The following ABCC9 variants were observed in gnomAD, a reference collection of about 807,000 sequenced individuals.
ABCC9 encodes ATP binding cassette subfamily C member 9.
ABCC9 carries 95 observed loss-of-function variants against 188.3 expected under a neutral mutation model. That is an observed-to-expected ratio of 0.50 (90% CI 0.43 to 0.60). The LOEUF (loss-of-function observed/expected upper bound fraction) is 0.60, where lower values mean the gene tolerates loss of function less well. ABCC9 is among the 20% of genes least tolerant of loss of function. The pLI, the probability that ABCC9 is intolerant of heterozygous loss-of-function variation, is 0.00. For synonymous variants in ABCC9, 659 were observed against 652.7 expected, an observed-to-expected ratio of 1.01 and a Z score of -0.15; for missense variants, 1,102 against 1,876.3, an observed-to-expected ratio of 0.59 and a Z score of 7.62.
chr12:21,915,557 G>T (rs1469525379), intron 7 of ABCC9, 111 bp downstream of exon 7: 3 of 660,120 alleles, frequency 4.5e-6, no homozygotes, highest in African/African-American at 5.0e-5. Context: ...CTGTCACCCC[G>T]GCTGGAGTGC....
At chr12:21,830,050 T>TCC (rs1458226916) in intron 30 of ABCC9, among the ~76,000 whole-genome samples, 4 of 152,182 alleles carry the variant, frequency 2.6e-5, no homozygotes, top group South Asian at 4.1e-4. Context: ...CTGTGTACTT[T>TCC]CAGGGTTCTA....
chr12:21,932,373 C>G (rs1216561928), intron 4 of ABCC9, among the ~76,000 whole-genome samples: 1 of 151,966 alleles, frequency 6.6e-6, no homozygotes, highest in African/African-American at 2.4e-5. Context: ...GATTCCATGA[C>G]AAAGATGCCA....
chr12:21,802,695 T>C (rs1329579652), intron 39 of ABCC9, among the ~76,000 whole-genome samples: 2 of 152,126 alleles, frequency 1.3e-5, no homozygotes, highest in Non-Finnish European at 2.9e-5. Context: ...GGTCAAAATA[T>C]TAGTGTGCTG....
Position 21,800,795 on chromosome 12 carries a change from A to G in ABCC9, c.*249T>C, listed in dbSNP as rs2137078584. On this transcript the variant is annotated 3_prime_UTR_variant, in exon 40 of 40. Transcript: ENST00000261200. ...TGATTTATCACTTAAAGTAGCTTAC[A>G]TGTTTTAATACAACCTAGCTATTCT... 1 of 490,430 alleles carries G rather than the reference A, an allele frequency of 2.0e-6. No individual in the cohort carries two copies. Among genetic ancestry groups the G allele is most frequent in the East Asian group, 3.8e-5 (1 of 26,424 alleles). The allele number at this position is 490,430 out of a possible 1,614,324, so 30.4% of individuals were successfully genotyped here. A position where few individuals can be genotyped will look rare whatever the true frequency, so the allele number is the denominator to read the frequency against.
At chr12:21,850,797 T>C (rs1944925192) in intron 24 of ABCC9, among the ~76,000 whole-genome samples, 1 of 152,134 alleles carries the variant, frequency 6.6e-6, no homozygotes, top group Admixed American at 6.6e-5. Context: ...CCGGTACGTT[T>C]AGAATCAAGC....
At position 21,910,321 on chromosome 12, in the gene ABCC9, A is replaced by G. The variant is rs1304592088; in HGVS notation, c.1165-9T>C. 5 of 1,562,384 alleles carry G rather than the reference A, an allele frequency of 3.2e-6. No individual in the cohort carries two copies. The highest frequency in any genetic ancestry group is 1.4e-5 in the African/African-American group (1 of 72,960). Reference sequence around the variant, plus strand: ...TTATTATAAATCATGGCCTACCAAAAAAAAAAAAAAGAGTACATAAAGCTC... The same window carrying G: ...TTATTATAAATCATGGCCTACCAAAGAAAAAAAAAAGAGTACATAAAGCTC... On this transcript the variant is annotated splice_polypyrimidine_tract_variant and intron_variant, in intron 9 of 39. Transcript: ENST00000261200.
rs1039191185 is a variant in ABCC9, at chr12:21,910,528, A to G, written c.1165-216T>C. On this transcript the variant is annotated intron_variant, in intron 9 of 39. Transcript: ENST00000261200. ...ACCAAATACAGACTTCCTTTTTTCT[A>G]GTGATATAATAAAAACATGCATTAA... 2.6e-5 allele frequency among the ~76,000 whole-genome samples: 4 copies of G among 151,978 alleles called. No homozygotes were observed. In the East Asian group the frequency reaches 7.7e-4, roughly 29 times the overall value.
intron 10 of ABCC9, among the ~76,000 whole-genome samples, chr12:21,909,892 G>T (rs1355795892): frequency 1.3e-5 from 2 of 151,864 alleles, no homozygotes; most frequent in Admixed American, 1.3e-4. Flanking sequence ...CTCATTTACA[G>T]TTAAGAAAAC....
chr12:21,844,184 T>C (rs1166076398), intron 28 of ABCC9, among the ~76,000 whole-genome samples: 1 of 152,230 alleles, frequency 6.6e-6, no homozygotes, highest in African/African-American at 2.4e-5. Context: ...TGAATGCTGA[T>C]ATGACTTTAA....
chr12:21,900,730 T>C (rs1947702623), intron 12 of ABCC9, among the ~76,000 whole-genome samples: 1 of 151,966 alleles, frequency 6.6e-6, no homozygotes. Context: ...ATCAAATGAA[T>C]GAAATGAAGT....
chr12:21,867,029 A>G (rs905156506), intron 18 of ABCC9, among the ~76,000 whole-genome samples: 1 of 152,154 alleles, frequency 6.6e-6, no homozygotes, highest in African/African-American at 2.4e-5. Context: ...CACATAGGGG[A>G]TCTTCACTTC....
intron 6 of ABCC9, 147 bp from the exon 7 acceptor site, chr12:21,916,057 C>A (rs1948591479): frequency 4.9e-6 from 4 of 809,404 alleles, no homozygotes; most frequent in Non-Finnish European, 7.6e-6. Flanking sequence ...CTGAAATATT[C>A]TTTGAGATAT....
chr12:21,879,984 C>G (rs1348242712), intron 16 of ABCC9, among the ~76,000 whole-genome samples: 1 of 151,572 alleles, frequency 6.6e-6, no homozygotes, highest in Non-Finnish European at 1.5e-5. Context: ...TCAGTTGATT[C>G]ACACACATAT....
intron 4 of ABCC9, among the ~76,000 whole-genome samples, chr12:21,927,452 T>A (rs1272567661): frequency 2.0e-5 from 3 of 152,178 alleles, no homozygotes; most frequent in Non-Finnish European, 2.9e-5. Context: ...AGGTCTGACT[T>A]CAGCTTTGGC....
chr12:21,860,516 A>G (rs1007754210), intron 21 of ABCC9, among the ~76,000 whole-genome samples: 3 of 152,228 alleles, frequency 2.0e-5, no homozygotes, highest in African/African-American at 7.2e-5. Flanking sequence ...TCTAAAGATT[A>G]TAGGTATAAC....
intron 16 of ABCC9, among the ~76,000 whole-genome samples, chr12:21,881,917 G>A (rs1946636633): frequency 6.6e-6 from 1 of 152,138 alleles, no homozygotes; most frequent in African/African-American, 2.4e-5. Context: ...CAAATATCAT[G>A]CATCAAATTA....
At chr12:21,908,398 G>T (rs1337477137) in intron 10 of ABCC9, among the ~76,000 whole-genome samples, 187 bp from the exon 11 acceptor site, 1 of 151,834 alleles carries the variant, frequency 6.6e-6, no homozygotes, top group Non-Finnish European at 1.5e-5. Flanking sequence ...GTGACAGTTG[G>T]GTTTTACTCT....
At chr12:21,815,269 C>T (rs1237255802) in intron 34 of ABCC9, among the ~76,000 whole-genome samples, 2 of 148,046 alleles carry the variant, frequency 1.4e-5, no homozygotes, top group African/African-American at 2.5e-5. Context: ...ATGTGATTGC[C>T]TTGTTTTTTC....
chr12:21,877,628 A>G lies in ABCC9; in HGVS notation c.2020-1902T>C, dbSNP rs148949677. Among the ~76,000 whole-genome samples the G allele has an allele frequency of 8.8e-3, 1,333 of 152,326 alleles. 60 individuals carry two copies. Among genetic ancestry groups the G allele is most frequent in the Admixed American group, 0.08 (1,222 of 15,298 alleles). On this transcript the variant is annotated intron_variant, in intron 16 of 39. Transcript: ENST00000261200. ...GCTTGTGGACAAGGGCCAGCATGAA[A>G]CTAAGAGAGACCCTACATGACACCG...
Sources: gnomAD v4.1 joint callset for allele counts (sites outside exome capture counted in the v4.1 genomes callset) on GRCh38, gnomAD v4.1.1 for gene constraint, MANE v1.5 for transcripts, NCBI Gene and HGNC (gene_info 2026-07-23, HGNC 2026-07-21) for gene names.